The following ABCB6 variants were observed in gnomAD, a reference collection of about 807,000 sequenced individuals.
The protein encoded by ABCB6 is ATP binding cassette subfamily B member 6 (LAN blood group), also known as ATP-binding cassette sub-family B member 6.
ABCB6 carries 87 observed loss-of-function variants against 99.4 expected under a neutral mutation model. That is an observed-to-expected ratio of 0.88 (90% CI 0.74 to 1.05). The LOEUF is 1.05. Among genes scored for constraint, ABCB6 ranks in the 50% least tolerant of loss-of-function variants. The pLI, the probability that ABCB6 is intolerant of heterozygous loss-of-function variation, is 0.00. For missense variants in ABCB6, 1,050 were observed against 1,097.9 expected, an observed-to-expected ratio of 0.96 and a Z score of 0.62; for synonymous variants, 482 against 447.5, an observed-to-expected ratio of 1.08 and a Z score of -0.97.
At position 219,216,662 on chromosome 2, in the gene ABCB6, A is replaced by G. The variant is rs767630350; in HGVS notation, c.858T>C (p.Tyr286=). Reference sequence around the variant, plus strand: ...GCTCCTCCTGCTCACCAATGTTCCTATAGAATATAGGCACCAACACATTGA... The same window carrying G: ...GCTCCTCCTGCTCACCAATGTTCCTGTAGAATATAGGCACCAACACATTGA... ...RALNVLVPIF[Y]RNIVNLLTEK... is the part of the protein sequence containing the mutation. Residue 286 remains tyrosine (Y), a synonymous_variant, in exon 3 of 19, where the codon TAT becomes TAC. Coordinates refer to ENST00000265316, the MANE Select transcript of ABCB6 (RefSeq NM_005689.4). The surrounding 1 kb of genome is among the most constrained non-coding windows in gnomAD (Gnocchi z 4.2). The G allele has an allele frequency of 2.6e-6, 4 of 1,559,682 alleles. No homozygotes were observed. Among genetic ancestry groups the G allele is most frequent in the Non-Finnish European group, 3.5e-6 (4 of 1,151,692 alleles).
Position 219,216,489 on chromosome 2 carries a change from C to A in ABCB6, c.869-24G>T, listed in dbSNP as rs377371201. On this transcript the variant is annotated intron_variant, in intron 3 of 18. Coordinates refer to ENST00000265316, the MANE Select transcript of ABCB6 (RefSeq NM_005689.4). The surrounding 1 kb of genome is among the most constrained non-coding windows in gnomAD (Gnocchi z 4.2). Reference sequence around the variant, plus strand: ...CACTGTGGAGGAAACGAGTCAGAACCCACTTATGGCGCCCAGGACTCTCTT... The same window carrying A: ...CACTGTGGAGGAAACGAGTCAGAACACACTTATGGCGCCCAGGACTCTCTT... 6.2e-7 allele frequency: 1 copy of A among 1,609,264 alleles called. No individual in the cohort carries two copies. The highest frequency in any genetic ancestry group is 1.1e-5 in the South Asian group (1 of 90,888).
At chr2:219,212,928 A>G in intron 13 of ABCB6, 80 bp downstream of exon 13, 1 of 1,501,540 alleles carries the variant, frequency 6.7e-7, no homozygotes, top group Non-Finnish European at 9.2e-7. Flanking sequence ...CTGACTCCAC[A>G]GCCTGGGTCA....
At position 219,215,991 on chromosome 2, in the gene ABCB6, C is replaced by T. The variant is rs760533785; in HGVS notation, c.1154+6G>A. On this transcript the variant is annotated splice_donor_region_variant and intron_variant, in intron 5 of 18. Transcript: ENST00000265316. ...CTCCCACATGCCCTTTCCACTGGGG[C>T]GGCACCTGAGCAGCCCTGTGACACT... 2.6e-5 allele frequency: 40 copies of T among 1,552,502 alleles called. No individual in the cohort carries two copies. Among genetic ancestry groups the T allele is most frequent in the East Asian group, 1.4e-4 (6 of 43,688 alleles).
chr2:219,210,627 T>C (rs557974594), intron 16 of ABCB6, 84 bp downstream of exon 16: 7 of 1,600,964 alleles, frequency 4.4e-6, no homozygotes, highest in East Asian at 4.5e-5. Flanking sequence ...ATTCATGGTA[T>C]CTGTTCTAGG....
rs774631222 is a variant in ABCB6, at chr2:219,210,390, A to G, written c.2342T>C (p.Val781Ala). The G allele has an allele frequency of 2.5e-6, 4 of 1,614,094 alleles. No homozygotes were observed. Among genetic ancestry groups the G allele is most frequent in the Admixed American group, 1.7e-5 (1 of 60,014 alleles). ...KVCANRTTIV[V>A]AHRLSTVVNA... Reference sequence around the variant, plus strand: ...GCCTGTAGTCCTGTACCTGTGTGCCACTACGATGGTGGTGCGGTTGGCACA... The same window carrying G: ...GCCTGTAGTCCTGTACCTGTGTGCCGCTACGATGGTGGTGCGGTTGGCACA... Residue 781 changes from valine to alanine, a missense_variant, in exon 17 of 19, where the codon GTG (valine) becomes GCG (alanine). Physicochemically the swap from Val to Ala is moderately conservative, Grantham distance 64. Transcript: ENST00000265316.
In ABCB6 at chr2:219,218,568, G is replaced by A; in HGVS notation, c.106C>T (p.Arg36Trp). Residue 36 changes from arginine to tryptophan, a missense_variant, in exon 1 of 19, where the codon CGG (arginine) becomes TGG (tryptophan). Coordinates refer to ENST00000265316, the MANE Select transcript of ABCB6 (RefSeq NM_005689.4). ...CFFFTLVPST[R>W]MALGTLALVL... ...AAGGCCAGAGTCCCCAGAGCCATCC[G>A]CGTCGAGGGCACGAGCGTGAAGAAG... The A allele has an allele frequency of 6.2e-7, 1 of 1,612,606 alleles. No individual in the cohort carries two copies.
At chr2:219,217,920 TAAAA>T (rs373957284) in intron 1 of ABCB6, 113 bp from the exon 2 acceptor site, 294 of 1,182,828 alleles carry the variant, frequency 2.5e-4, no homozygotes, top group South Asian at 5.6e-4. Context: ...CTTACAGGCT[TAAAA>T]AAAAAAAAAA....
At chr2:219,210,070 G>C (rs1467488388) in intron 18 of ABCB6, 24 bp from the exon 19 acceptor site, 2 of 1,609,288 alleles carry the variant, frequency 1.2e-6, no homozygotes, top group South Asian at 2.2e-5. Context: ...AAAAGTGTGA[G>C]TCCTAACCAT....
In ABCB6 at chr2:219,213,809, C is replaced by T; in HGVS notation, c.1578+17G>A. On this transcript the variant is annotated intron_variant, in intron 9 of 18. Coordinates refer to ENST00000265316, the MANE Select transcript of ABCB6 (RefSeq NM_005689.4). ...TTTTCCTTGTGCCCCACTCTCTCAT[C>T]CAAGATCCTGCCTCACCTGTAGCTT... 6.2e-7 allele frequency: 1 copy of T among 1,614,092 alleles called. No individual in the cohort carries two copies. Among genetic ancestry groups the T allele is most frequent in the Non-Finnish European group, 8.5e-7 (1 of 1,179,984 alleles).
chr2:219,214,639 G>T, intron 6 of ABCB6, 141 bp from the exon 7 acceptor site: 1 of 676,158 alleles, frequency 1.5e-6, no homozygotes. Context: ...AGGCACCTCT[G>T]CAGCCTGCAC....
chr2:219,218,097 G>C, intron 1 of ABCB6, 28 bp downstream of exon 1: 1 of 1,574,886 alleles, frequency 6.3e-7, no homozygotes, highest in Non-Finnish European at 8.6e-7. Flanking sequence ...GCCAGCAGAG[G>C]CTTCCCCCTT....
Position 219,218,874 on chromosome 2 carries a change from T to C in ABCB6, c.-201A>G, listed in dbSNP as rs1469235821. 5.3e-6 allele frequency: 3 copies of C among 565,460 alleles called. No individual in the cohort carries two copies. Among genetic ancestry groups the C allele is most frequent in the South Asian group, 2.5e-5 (1 of 40,428 alleles). 35.0% of individuals were successfully genotyped at this position (565,460 alleles called of 1,614,324 possible). On this transcript the variant is annotated 5_prime_UTR_variant, in exon 1 of 19. Transcript: ENST00000265316. The stretch of plus-strand genomic sequence containing the variant: ...TAGCGCACGCGCCGCCGCCACGCAC[T>C]CACGCAGGGCACGTACGCCGTCTCA...
rs1950561566 is a variant in ABCB6, at chr2:219,210,409, T to C, written c.2323A>G (p.Asn775Asp). The C allele has an allele frequency of 2.5e-6, 4 of 1,614,192 alleles. No individual in the cohort carries two copies. Among genetic ancestry groups the C allele is most frequent in the Non-Finnish European group, 3.4e-6 (4 of 1,180,026 alleles). ...IQASLAKVCA[N>D]RTTIVVAHRL... ...TGTGCCACTACGATGGTGGTGCGGT[T>C]GGCACAGACTTTGGCCAGAGAAGCC... The change falls in exon 17 of 19, where the codon AAC becomes GAC. Residue 775 changes from asparagine (N) to aspartate (D), a missense_variant. Coordinates refer to ENST00000265316, the MANE Select transcript of ABCB6 (RefSeq NM_005689.4).
Position 219,216,503 on chromosome 2 carries a change from C to G in ABCB6, c.869-38G>C. On this transcript the variant is annotated intron_variant, in intron 3 of 18. Coordinates refer to ENST00000265316, the MANE Select transcript of ABCB6 (RefSeq NM_005689.4). The surrounding 1 kb of genome is among the most constrained non-coding windows in gnomAD (Gnocchi z 4.2). Reference sequence around the variant, plus strand: ...CGAGTCAGAACCCACTTATGGCGCCCAGGACTCTCTTCAGGCAAAATGGCC... The same window carrying G: ...CGAGTCAGAACCCACTTATGGCGCCGAGGACTCTCTTCAGGCAAAATGGCC... 6.2e-7 allele frequency: 1 copy of G among 1,602,990 alleles called. No homozygotes were observed. Among genetic ancestry groups the G allele is most frequent in the Non-Finnish European group, 8.5e-7 (1 of 1,171,244 alleles).
chr2:219,214,307 G>C (rs1559236847), intron 7 of ABCB6, 82 bp downstream of exon 7: 1 of 1,473,886 alleles, frequency 6.8e-7, no homozygotes, highest in African/African-American at 1.4e-5. Context: ...CACACCCCCA[G>C]CTCTCTGTCA....
chr2:219,210,518 C>A (rs772448125), intron 16 of ABCB6, 43 bp from the exon 17 acceptor site: 8 of 1,606,214 alleles, frequency 5.0e-6, no homozygotes, highest in Middle Eastern at 1.7e-4. Context: ...CCACTCAAAA[C>A]CCTCAATGGA....
chr2:219,213,580 C>A lies in ABCB6; in HGVS notation c.1655+10G>T, dbSNP rs752760294. 8 of 1,614,078 alleles carry A rather than the reference C, an allele frequency of 5.0e-6. No homozygotes were observed. The highest frequency in any genetic ancestry group is 5.9e-6 in the Non-Finnish European group (7 of 1,180,030). ...TGCCCTGGACAGGTGAGGGCCAGGG[C>A]TCAGATTACCTGTAGTAGGTGCCAA... is the stretch of plus-strand genomic sequence containing the variant. On this transcript the variant is annotated intron_variant, in intron 10 of 18. Coordinates refer to ENST00000265316, the MANE Select transcript of ABCB6 (RefSeq NM_005689.4).
Position 219,210,467 on chromosome 2 carries a change from T to A in ABCB6, c.2265A>T (p.Ser755=), listed in dbSNP as rs1317566715. ...PGIILLDEAT[S]ALDTSNERAI... is the part of the protein sequence containing the mutation. ...CCCTCTCATTAGATGTATCCAGCGC[T>A]GACGTTGCCTATAGAGAGGGTCCAG... Residue 755 remains serine, a synonymous_variant, in exon 17 of 19, where the codon TCA becomes TCT. Transcript: ENST00000265316. 1 of 1,614,004 alleles carries A rather than the reference T, an allele frequency of 6.2e-7. No individual in the cohort carries two copies. The highest frequency in any genetic ancestry group is 8.5e-7 in the Non-Finnish European group (1 of 1,179,992).
intron 11 of ABCB6, 36 bp downstream of exon 11, chr2:219,213,402 CT>C (rs1020831399): frequency 1.2e-6 from 2 of 1,613,730 alleles, no homozygotes; most frequent in African/African-American, 2.7e-5. Context: ...CACACAGCTC[CT>C]CCCTCCCCAA....
Sources: gnomAD v4.1 joint callset for allele counts on GRCh38, gnomAD v4.1.1 for gene constraint, Gnocchi (gnomAD v3.1) non-coding constraint, MANE v1.5 for transcripts, NCBI Gene and HGNC (gene_info 2026-07-23, HGNC 2026-07-21) for gene names.